Variants in PCDHGB3 observed in about 807,000 individuals in gnomAD.
PCDHGB3 encodes the protein protocadherin gamma-B3.
Under a neutral mutation model 59.2 loss-of-function variants are expected in PCDHGB3, and 40 were observed. The ratio of observed to expected loss-of-function variants is 0.68; its 90% CI spans 0.52 to 0.88. The LOEUF is 0.88. PCDHGB3 is among the 40% of genes least tolerant of loss of function. The pLI is 0.00. For synonymous variants in PCDHGB3, 581 were observed against 503.6 expected (o/e 1.15, Z -2.06); for missense variants, 1,309 against 1,187.9 (o/e 1.10, Z -1.50).
At chr5:141,383,365 G>A (rs763555331) in intron 1 of PCDHGB3, 9 of 1,614,014 alleles carry the variant, frequency 5.6e-6, no homozygotes, top group Admixed American at 3.3e-5. Flanking sequence ...TCCGTTAAGC[G>A]AGGCTGGGGA....
chr5:141,459,404 G>C (rs2098967432), intron 1 of PCDHGB3, among the ~76,000 whole-genome samples: 1 of 152,182 alleles, frequency 6.6e-6, no homozygotes, highest in Non-Finnish European at 1.5e-5. Flanking sequence ...GAGCAGTATT[G>C]CATTGTGTGG....
chr5:141,414,624 G>A (rs764233527), intron 1 of PCDHGB3: 5 of 1,613,814 alleles, frequency 3.1e-6, no homozygotes, highest in African/African-American at 2.7e-5. Flanking sequence ...CGCTGGACCC[G>A]GACAGCAAAG....
chr5:141,451,682 G>GA (rs1401536376), intron 1 of PCDHGB3, among the ~76,000 whole-genome samples: 1 of 152,128 alleles, frequency 6.6e-6, no homozygotes, highest in Non-Finnish European at 1.5e-5. Flanking sequence ...AGGAGTTCAA[G>GA]ACCAGCCTGG....
At chr5:141,395,177 T>C in intron 1 of PCDHGB3, 2 of 1,614,120 alleles carry the variant, frequency 1.2e-6, no homozygotes, top group South Asian at 2.2e-5. Flanking sequence ...GTGAGAAAAA[T>C]GATTCTTTGT....
chr5:141,390,500 C>G (rs2092162714), intron 1 of PCDHGB3: 3 of 614,492 alleles, frequency 4.9e-6, no homozygotes, highest in Non-Finnish European at 8.3e-6. Context: ...TTTAGCCAAG[C>G]TTAGATTTAT....
chr5:141,389,048 T>C, intron 1 of PCDHGB3: 1 of 1,613,976 alleles, frequency 6.2e-7, no homozygotes, highest in East Asian at 2.2e-5. Context: ...AAGGTGATGT[T>C]CCATTTAAAA....
intron 1 of PCDHGB3, among the ~76,000 whole-genome samples, chr5:141,479,050 C>T (rs1484021560): frequency 6.6e-6 from 1 of 152,164 alleles, no homozygotes; most frequent in African/African-American, 2.4e-5. Context: ...ACCTCATTCT[C>T]AGATAATTTT....
At chr5:141,420,077 C>A (rs760626443) in intron 1 of PCDHGB3, 1 of 1,613,900 alleles carries the variant, frequency 6.2e-7, no homozygotes, top group Non-Finnish European at 8.5e-7. Context: ...ACCTGTGGGT[C>A]CCCCCAACTA....
chr5:141,418,589 C>G lies in PCDHGB3; in HGVS notation c.2415+45780C>G, dbSNP rs184213052. ...CAATGACAACCCCCCAGTGTTCAGC[C>G]AGGACGTGTACAGGGTTAGCCTTCG... On this transcript the variant is annotated intron_variant, in intron 1 of 3. Transcript: ENST00000576222. 5.5e-4 allele frequency: 884 copies of G among 1,614,012 alleles called. 4 individuals carry two copies. Among genetic ancestry groups the G allele is most frequent in the South Asian group, 4.0e-3 (361 of 91,086 alleles).
chr5:141,487,810 C>G lies in PCDHGB3; in HGVS notation c.2416-6997C>G, dbSNP rs377060474. ...ATTAACCAGAGTTGTCACAGTTTAGCATTGGGGGCGGGTCATGCCTATATC... is the reference window on the plus strand; with the variant it reads ...ATTAACCAGAGTTGTCACAGTTTAGGATTGGGGGCGGGTCATGCCTATATC... On this transcript the variant is annotated intron_variant, in intron 1 of 3. Coordinates refer to ENST00000576222, the MANE Select transcript of PCDHGB3 (RefSeq NM_018924.5). The surrounding 1 kb of genome is among the most constrained non-coding windows in gnomAD (Gnocchi z 5.0). 7.1e-7 allele frequency: 1 copy of G among 1,417,854 alleles called. No homozygotes were observed. The highest frequency in any genetic ancestry group is 2.1e-5 in the Admixed American group (1 of 47,076). The allele number at this position is 1,417,854 out of a possible 1,614,324, so 87.8% of individuals were successfully genotyped here.
chr5:141,455,130 A>T (rs1446894125), intron 1 of PCDHGB3, among the ~76,000 whole-genome samples: 2 of 150,970 alleles, frequency 1.3e-5, no homozygotes, highest in African/African-American at 4.8e-5. Flanking sequence ...GTTTTAAATT[A>T]CACTGTGTTA....
Position 141,489,653 on chromosome 5 carries a change from G to C in PCDHGB3, c.2416-5154G>C. ...TCTCCTAGCTTTGCCACCCCTGAGCGAGAGATGCGCATCTCAGAATCAGCA... is the reference window on the plus strand; with the variant it reads ...TCTCCTAGCTTTGCCACCCCTGAGCCAGAGATGCGCATCTCAGAATCAGCA... On this transcript the variant is annotated intron_variant, in intron 1 of 3. Coordinates refer to ENST00000576222, the MANE Select transcript of PCDHGB3 (RefSeq NM_018924.5). The surrounding 1 kb of genome is among the most constrained non-coding windows in gnomAD (Gnocchi z 4.5). 3 of 1,614,164 alleles carry C rather than the reference G, an allele frequency of 1.9e-6. No individual in the cohort carries two copies. The highest frequency in any genetic ancestry group is 2.5e-6 in the Non-Finnish European group (3 of 1,180,018).
chr5:141,458,551 T>A (rs1019302178), intron 1 of PCDHGB3, among the ~76,000 whole-genome samples: 1 of 148,194 alleles, frequency 6.7e-6, no homozygotes, highest in Non-Finnish European at 1.5e-5. Flanking sequence ...TTTGTTTGTT[T>A]GTTTTGGTTT....
chr5:141,437,058 T>C (rs539776847), intron 1 of PCDHGB3, among the ~76,000 whole-genome samples: 2 of 152,246 alleles, frequency 1.3e-5, no homozygotes, highest in Non-Finnish European at 2.9e-5. Context: ...CTGGTGATCA[T>C]TATTTGGTTT....
Position 141,490,900 on chromosome 5 carries a change from G to A in PCDHGB3, c.2416-3907G>A, listed in dbSNP as rs2099705863. 2 of 1,613,796 alleles carry A rather than the reference G, an allele frequency of 1.2e-6. No individual in the cohort carries two copies. The highest frequency in any genetic ancestry group is 2.7e-5 in the African/African-American group (2 of 75,050). ...TGCCAACACATCTCTGCATGTGTTT[G>A]TCCTAGACGAGAATGATAATGCCCC... On this transcript the variant is annotated intron_variant, in intron 1 of 3. Transcript: ENST00000576222. The surrounding 1 kb of genome is among the most constrained non-coding windows in gnomAD (Gnocchi z 5.4).
rs1303066281 is a variant in PCDHGB3, at chr5:141,511,199, G to A, written c.*26G>A. The A allele has an allele frequency of 1.2e-6, 2 of 1,612,750 alleles. No homozygotes were observed. The highest frequency in any genetic ancestry group is 1.3e-5 in the African/African-American group (1 of 74,896). On this transcript the variant is annotated 3_prime_UTR_variant, in exon 4 of 4. Transcript: ENST00000576222. The stretch of plus-strand genomic sequence containing the variant: ...CATGGAGGCCAGGCCAAGAGCCACA[G>A]GGCGGCCTCTCCCCAACCAGCCCAG...
intron 1 of PCDHGB3, chr5:141,417,931 G>T (rs551432799): frequency 6.8e-6 from 11 of 1,611,382 alleles, no homozygotes; most frequent in Middle Eastern, 1.6e-4. Flanking sequence ...TGCTGCCTTT[G>T]TTCTACCCCA....
At chr5:141,436,471 A>G (rs1249793994) in intron 1 of PCDHGB3, among the ~76,000 whole-genome samples, 1 of 152,204 alleles carries the variant, frequency 6.6e-6, no homozygotes, top group Non-Finnish European at 1.5e-5. Flanking sequence ...TTTCAGATGT[A>G]TCATAGAAGG....
chr5:141,432,991 C>T lies in PCDHGB3; in HGVS notation c.2415+60182C>T. ...CGGCGTCGCACTTTGTGGGCGTGGA[C>T]GGGGTGCAGGCTTTCCTGCAGACCT... is the stretch of plus-strand genomic sequence containing the variant. On this transcript the variant is annotated intron_variant, in intron 1 of 3. Coordinates refer to ENST00000576222, the MANE Select transcript of PCDHGB3 (RefSeq NM_018924.5). This position sits in a 1 kb window ranked among gnomAD's most constrained non-coding sequence, Gnocchi z 6.0. 6.2e-7 allele frequency: 1 copy of T among 1,614,200 alleles called. No individual in the cohort carries two copies. The highest frequency in any genetic ancestry group is 8.5e-7 in the Non-Finnish European group (1 of 1,180,030).
Sources: allele counts gnomAD v4.1 joint callset (sites outside exome capture counted in the v4.1 genomes callset), GRCh38; gene constraint gnomAD v4.1.1; non-coding constraint Gnocchi (gnomAD v3.1); transcripts MANE v1.5; gene names NCBI Gene and HGNC (gene_info 2026-07-23, HGNC 2026-07-21).